DCPS: variants seen among roughly 807,000 people sequenced by gnomAD.
The protein encoded by DCPS is m7GpppX diphosphatase.
Under a neutral mutation model 34.7 loss-of-function variants are expected in DCPS, and 27 were observed. The ratio of observed to expected loss-of-function variants is 0.78; its 90% CI spans 0.57 to 1.07. The LOEUF (loss-of-function observed/expected upper bound fraction) is 1.07. Among genes scored for constraint, DCPS ranks in the 50% least tolerant of loss-of-function variants. The probability of loss-of-function intolerance (pLI) is 0.00; values close to 1 mark genes in which losing one functional copy is unlikely to be tolerated. For synonymous variants in DCPS, 185 were observed against 185.7 expected (o/e 1.00, Z 0.03); for missense variants, 464 against 436.9 (o/e 1.06, Z -0.55).
At chr11:126,306,950 T>C (rs187369385) in intron 2 of DCPS, among the ~76,000 whole-genome samples, 1 of 152,238 alleles carries the variant, frequency 6.6e-6, no homozygotes, top group Non-Finnish European at 1.5e-5. Context: ...TTCTGGCATC[T>C]AGTGGGTGGA....
chr11:126,339,658 G>A (rs889117879), intron 4 of DCPS, among the ~76,000 whole-genome samples: 4 of 152,212 alleles, frequency 2.6e-5, no homozygotes, highest in African/African-American at 4.8e-5. Flanking sequence ...TGTGTGGGGC[G>A]CTGCAGTGAG....
At position 126,335,867 on chromosome 11, in the gene DCPS, G is replaced by A. The variant is rs240544; in HGVS notation, c.523-2419G>A. ...TTGAACCTGGGAGGTGGAGGTTGCAGTGAGCTGAGATCACGCCATTGCATT... is the reference window on the plus strand; with the variant it reads ...TTGAACCTGGGAGGTGGAGGTTGCAATGAGCTGAGATCACGCCATTGCATT... On this transcript the variant is annotated intron_variant, in intron 3 of 5. Transcript: ENST00000263579. This position sits in a 1 kb window ranked among gnomAD's most constrained non-coding sequence, Gnocchi z 4.8. Among the ~76,000 whole-genome samples, 3 of 152,298 alleles carry A rather than the reference G, an allele frequency of 2.0e-5. No individual in the cohort carries two copies. The East Asian group carries it at 5.8e-4, about 29-fold the overall frequency.
intron 2 of DCPS, among the ~76,000 whole-genome samples, chr11:126,311,374 T>C (rs1951617393): frequency 6.6e-6 from 1 of 152,268 alleles, no homozygotes; most frequent in South Asian, 2.1e-4. Flanking sequence ...GTGAAGTGTC[T>C]GCTATGTGCC....
rs186376716 is a variant in DCPS at position 126,312,572 on chromosome 11, C to T, written c.376+5828C>T. Among the ~76,000 whole-genome samples, 357 of 152,204 alleles carry T rather than the reference C, an allele frequency of 2.3e-3. 4 individuals carry two copies. The highest frequency in any genetic ancestry group is 6.0e-4 in the Non-Finnish European group (41 of 68,014). ...GCCAGGCTGGTCTCAAACTCCTGAT[C>T]TCGGGTGATCCGCCCGCTTTGGCTG... On this transcript the variant is annotated intron_variant, in intron 2 of 5. Transcript: ENST00000263579. This position sits in a 1 kb window ranked among gnomAD's most constrained non-coding sequence, Gnocchi z 5.1.
At chr11:126,324,629 CTTT>C (rs58091804) in intron 2 of DCPS, among the ~76,000 whole-genome samples, 4 of 99,954 alleles carry the variant, frequency 4.0e-5, no homozygotes, top group Non-Finnish European at 5.8e-5. Context: ...ATTTTTCTGC[CTTT>C]TTTTTTTTTT....
chr11:126,345,583 C>G lies in DCPS; in HGVS notation c.984C>G (p.Leu328=). The G allele has an allele frequency of 6.2e-7, 1 of 1,613,548 alleles. No individual in the cohort carries two copies. The highest frequency in any genetic ancestry group is 8.5e-7 in the Non-Finnish European group (1 of 1,179,994). The change falls in exon 6 of 6, where the codon CTC becomes CTG. Residue 328 remains leucine (L), a synonymous_variant. Transcript: ENST00000263579. This position sits in a 1 kb window ranked among gnomAD's most constrained non-coding sequence, Gnocchi z 7.4. ...CCCTCAGGGCTGACGACCCCCTGCTCAAGCTCTTGCAGGAGGCTCAGCAAA... is the reference window on the plus strand; with the variant it reads ...CCCTCAGGGCTGACGACCCCCTGCTGAAGCTCTTGCAGGAGGCTCAGCAAA... The part of the protein sequence containing the change: ...TFALRADDPL[L]KLLQEAQQS
At position 126,328,244 on chromosome 11, in the gene DCPS, G is replaced by A. The variant is rs1028106150; in HGVS notation, c.377-3161G>A. ...GGTGACCAACAGCCTCGTAGTCCAC[G>A]GCAGGAAGCGCGGGAGCTGTGGAGC... On this transcript the variant is annotated intron_variant, in intron 2 of 5. Coordinates refer to ENST00000263579, the MANE Select transcript of DCPS (RefSeq NM_014026.6). This position sits in a 1 kb window ranked among gnomAD's most constrained non-coding sequence, Gnocchi z 6.6. Among the ~76,000 whole-genome samples the A allele has an allele frequency of 3.9e-5, 6 of 152,296 alleles. No homozygotes were observed. The highest frequency in any genetic ancestry group is 8.8e-5 in the Non-Finnish European group (6 of 68,020).
chr11:126,349,136 T>C lies in DCPS; in HGVS notation c.*3523T>C, dbSNP rs550453964. On this transcript the variant is annotated 3_prime_UTR_variant, in exon 6 of 6. Transcript: ENST00000263579. This position sits in a 1 kb window ranked among gnomAD's most constrained non-coding sequence, Gnocchi z 5.4. ...TACCTCATGCTTTCTTCCTGCTATC[T>C]CGTAAGAGCCCAACATCCTTCTGTC... Among the ~76,000 whole-genome samples, 46 of 152,260 alleles carry C rather than the reference T, an allele frequency of 3.0e-4. No homozygotes were observed. The South Asian group carries it at 9.3e-3, about 31-fold the overall frequency.
chr11:126,320,531 A>G lies in DCPS; in HGVS notation c.377-10874A>G, dbSNP rs1951698249. On this transcript the variant is annotated intron_variant, in intron 2 of 5. Transcript: ENST00000263579. This position sits in a 1 kb window ranked among gnomAD's most constrained non-coding sequence, Gnocchi z 4.7. ...CATCAAGACTACAAGGGCGGGGTGC[A>G]GTGGCTCATGCCCCTAATCCCAACA... is the stretch of plus-strand genomic sequence containing the variant. 6.6e-6 allele frequency among the ~76,000 whole-genome samples: 1 copy of G among 152,132 alleles called. No homozygotes were observed.
rs553647214 is a variant in DCPS at position 126,331,684 on chromosome 11, G to A, written c.522+134G>A. The A allele has an allele frequency of 7.0e-6, 8 of 1,138,904 alleles. No individual in the cohort carries two copies. The Admixed American group carries it at 2.2e-4, about 31-fold the overall frequency. 70.5% of individuals were successfully genotyped at this position (1,138,904 alleles called of 1,614,324 possible). On this transcript the variant is annotated intron_variant, in intron 3 of 5. Transcript: ENST00000263579. This position sits in a 1 kb window ranked among gnomAD's most constrained non-coding sequence, Gnocchi z 7.2. ...GGGATGGGGGTACAGTAGAGAGCAT[G>A]GCGGACAGAATCCCCACCTCGTGCA... is the stretch of plus-strand genomic sequence containing the variant.
At chr11:126,311,578 G>A (rs1400583156) in intron 2 of DCPS, among the ~76,000 whole-genome samples, 1 of 152,200 alleles carries the variant, frequency 6.6e-6, no homozygotes, top group Admixed American at 6.5e-5. Context: ...GCTGAGGCCT[G>A]AAAGATGGGA....
rs922607411 is a variant in DCPS at position 126,346,408 on chromosome 11, G to T, written c.*795G>T. Among the ~76,000 whole-genome samples the T allele has an allele frequency of 3.9e-5, 6 of 152,246 alleles. No individual in the cohort carries two copies. Among genetic ancestry groups the T allele is most frequent in the Non-Finnish European group, 7.3e-5 (5 of 68,048 alleles). ...AGTTGAATACAAAAGCCCGGAGGCG[G>T]CTCGGGTTCAAGGCCTATCAGAGGC... On this transcript the variant is annotated 3_prime_UTR_variant, in exon 6 of 6. Coordinates refer to ENST00000263579, the MANE Select transcript of DCPS (RefSeq NM_014026.6). This position sits in a 1 kb window ranked among gnomAD's most constrained non-coding sequence, Gnocchi z 4.1.
rs2135333509 is a variant in DCPS, at chr11:126,338,560, T to TC, written c.636+162dup. ...TCTGTGGGGACTGGGTGGATACCTG[T>TC]CATACATAAGTGCTTTTGCTTTAAT... is the stretch of plus-strand genomic sequence containing the variant. On this transcript the variant is annotated intron_variant, in intron 4 of 5. Transcript: ENST00000263579. This position sits in a 1 kb window ranked among gnomAD's most constrained non-coding sequence, Gnocchi z 5.4. 6.6e-6 allele frequency among the ~76,000 whole-genome samples: 1 copy of TC among 152,318 alleles called. No homozygotes were observed. The highest frequency in any genetic ancestry group is 1.5e-5 in the Non-Finnish European group (1 of 68,024).
chr11:126,324,518 G>T (rs568453651), intron 2 of DCPS, among the ~76,000 whole-genome samples: 2 of 150,998 alleles, frequency 1.3e-5, no homozygotes, highest in South Asian at 2.1e-4. Flanking sequence ...GCAGTGGCGA[G>T]ATCTGCGCTC....
rs1233128574 is a variant in DCPS, at chr11:126,317,780, T to C, written c.376+11036T>C. Among the ~76,000 whole-genome samples, 4 of 152,364 alleles carry C rather than the reference T, an allele frequency of 2.6e-5. No individual in the cohort carries two copies. The East Asian group carries it at 7.7e-4, about 29-fold the overall frequency. On this transcript the variant is annotated intron_variant, in intron 2 of 5. Transcript: ENST00000263579. Reference sequence around the variant, plus strand: ...CCCCAGCATAGTTTCTTTCTGTGTGTGGAGAAGTGGGGGGGCTCGCGGCTC... The same window carrying C: ...CCCCAGCATAGTTTCTTTCTGTGTGCGGAGAAGTGGGGGGGCTCGCGGCTC...
Position 126,326,307 on chromosome 11 carries a change from C to T in DCPS, c.377-5098C>T, listed in dbSNP as rs76395437. 3.9e-3 allele frequency among the ~76,000 whole-genome samples: 590 copies of T among 152,254 alleles called. 5 individuals carry two copies. Among genetic ancestry groups the T allele is most frequent in the African/African-American group, 0.013 (560 of 41,552 alleles). On this transcript the variant is annotated intron_variant, in intron 2 of 5. Coordinates refer to ENST00000263579, the MANE Select transcript of DCPS (RefSeq NM_014026.6). ...GGCAGGGAGAGCCTGGCAAGGCCAC[C>T]GGGCCTCTTCTGCTGACCTGCCGTG...
intron 2 of DCPS, among the ~76,000 whole-genome samples, chr11:126,314,009 G>T (rs1591382395): frequency 6.6e-6 from 1 of 152,300 alleles, no homozygotes; most frequent in East Asian, 1.9e-4. Context: ...CAAAGTGAAG[G>T]TATTTGGTTT....
Position 126,338,181 on chromosome 11 carries a change from G to A in DCPS, c.523-105G>A, listed in dbSNP as rs1951847854. ...GAGCGTGGCGGCCTTTTATGGCTTGGTTCTGTCTCCTGGAGAGGCCAGGGA... is the reference window on the plus strand; with the variant it reads ...GAGCGTGGCGGCCTTTTATGGCTTGATTCTGTCTCCTGGAGAGGCCAGGGA... On this transcript the variant is annotated intron_variant, in intron 3 of 5. Coordinates refer to ENST00000263579, the MANE Select transcript of DCPS (RefSeq NM_014026.6). The surrounding 1 kb of genome is among the most constrained non-coding windows in gnomAD (Gnocchi z 5.4). 7 of 1,075,258 alleles carry A rather than the reference G, an allele frequency of 6.5e-6. No individual in the cohort carries two copies. Among genetic ancestry groups the A allele is most frequent in the South Asian group, 1.4e-5 (1 of 70,062 alleles). The allele number at this position is 1,075,258 out of a possible 1,614,324, so 66.6% of individuals were successfully genotyped here.
chr11:126,332,364 T>C lies in DCPS; in HGVS notation c.522+814T>C, dbSNP rs1278226189. On this transcript the variant is annotated intron_variant, in intron 3 of 5. Transcript: ENST00000263579. This position sits in a 1 kb window ranked among gnomAD's most constrained non-coding sequence, Gnocchi z 5.4. ...CTGCCTGGAACTGGCCCCATGTGAGTACTCAGAGTTAAATATGACTGATGC... is the reference window on the plus strand; with the variant it reads ...CTGCCTGGAACTGGCCCCATGTGAGCACTCAGAGTTAAATATGACTGATGC... 6.6e-6 allele frequency among the ~76,000 whole-genome samples: 1 copy of C among 152,188 alleles called. No individual in the cohort carries two copies. Among genetic ancestry groups the C allele is most frequent in the Non-Finnish European group, 1.5e-5 (1 of 68,032 alleles).
Sources: gnomAD v4.1 joint callset for allele counts (sites outside exome capture counted in the v4.1 genomes callset) on GRCh38, gnomAD v4.1.1 for gene constraint, Gnocchi (gnomAD v3.1) non-coding constraint, MANE v1.5 for transcripts, NCBI Gene and HGNC (gene_info 2026-07-23, HGNC 2026-07-21) for gene names.